LIG3: variants seen among roughly 807,000 people sequenced by gnomAD.
LIG3 encodes the protein DNA ligase 3.
LIG3 carries 58 observed loss-of-function variants against 110.9 expected under a neutral mutation model. The ratio of observed to expected loss-of-function variants is 0.52; its 90% CI spans 0.42 to 0.65. The LOEUF (loss-of-function observed/expected upper bound fraction) is 0.65, where lower values mean the gene tolerates loss of function less well. Ranked by LOEUF, LIG3 falls within the 30% of genes least tolerant of loss-of-function variation. The probability of loss-of-function intolerance (pLI) is 0.00; values close to 1 mark genes in which losing one functional copy is unlikely to be tolerated. For synonymous variants in LIG3, 422 were observed against 472.8 expected (o/e 0.89, Z 1.39); for missense variants, 1,094 against 1,273.8 (o/e 0.86, Z 2.15).
chr17:34,989,819 A>G (rs552317632), intron 4 of LIG3, 156 bp downstream of exon 4: 2 of 686,490 alleles, frequency 2.9e-6, no homozygotes, highest in Non-Finnish European at 4.9e-6. Flanking sequence ...ATTTTGAACA[A>G]GGGGCCTCGC....
Position 34,991,808 on chromosome 17 carries a change from G to T in LIG3, c.1179G>T (p.Gln393His). The part of the protein sequence containing the change: ...RLSKLTKEDE[Q>H]QQALQDIASR... ...CCAAGCTCACCAAGGAGGATGAGCAGCAACAGGCCCTACAGGACATTGCCT... is the reference window on the plus strand; with the variant it reads ...CCAAGCTCACCAAGGAGGATGAGCATCAACAGGCCCTACAGGACATTGCCT... Residue 393 changes from glutamine to histidine, a missense_variant, in exon 6 of 20, where the codon CAG becomes CAT. Physicochemically the swap from Gln to His is conservative, Grantham distance 24. Transcript: ENST00000378526. 6.2e-7 allele frequency: 1 copy of T among 1,614,090 alleles called. No homozygotes were observed.
rs2090717038 is a variant in LIG3, at chr17:34,991,208, A to T, written c.1041+94A>T. The T allele has an allele frequency of 3.2e-6, 4 of 1,252,064 alleles. No homozygotes were observed. In the East Asian group the frequency reaches 9.3e-5, roughly 29 times the overall value. 77.6% of individuals were successfully genotyped at this position (1,252,064 alleles called of 1,614,324 possible). On this transcript the variant is annotated intron_variant, in intron 5 of 19. Coordinates refer to ENST00000378526, the MANE Select transcript of LIG3 (RefSeq NM_013975.4). ...CTCTTTTTTTTTTTCTGGTTGGGAC[A>T]CATACTGTTTTAGGAAACTGAAACC...
intron 3 of LIG3, 36 bp from the exon 4 acceptor site, chr17:34,989,430 G>A (rs367757366): frequency 4.7e-4 from 741 of 1,575,872 alleles, no homozygotes; most frequent in Non-Finnish European, 6.2e-4. Context: ...TTCTCAGAAA[G>A]GCAGAATGAA....
At chr17:34,985,148 A>G (rs2090642396) in intron 2 of LIG3, among the ~76,000 whole-genome samples, 1 of 152,150 alleles carries the variant, frequency 6.6e-6, no homozygotes, top group Non-Finnish European at 1.5e-5. Flanking sequence ...TAAAATTCAT[A>G]CCTATATATG....
At chr17:34,993,030 T>C (rs1029362142) in intron 8 of LIG3, among the ~76,000 whole-genome samples, 3 of 152,134 alleles carry the variant, frequency 2.0e-5, no homozygotes, top group African/African-American at 4.8e-5. Context: ...TTATCTGTTA[T>C]CTTACCTGAA....
chr17:34,985,826 A>T, intron 2 of LIG3, 162 bp from the exon 3 acceptor site: 1 of 600,598 alleles, frequency 1.7e-6, no homozygotes, highest in Non-Finnish European at 3.0e-6. Flanking sequence ...CCTATTACCT[A>T]CTACCCCCAC....
intron 11 of LIG3, chr17:34,997,310 T>G: frequency 5.7e-6 from 1 of 176,188 alleles, no homozygotes; most frequent in South Asian, 1.3e-4. Flanking sequence ...GGGAAGGAAT[T>G]GGTGGGGGTA....
chr17:34,999,588 C>T lies in LIG3; in HGVS notation c.2256+139C>T. On this transcript the variant is annotated intron_variant, in intron 15 of 19. Coordinates refer to ENST00000378526, the MANE Select transcript of LIG3 (RefSeq NM_013975.4). ...CTTGCTCAGGGGAGCAGGATTAGGC[C>T]TTATAATCTCTGAATGCCTTCTTGT... 4 of 1,215,040 alleles carry T rather than the reference C, an allele frequency of 3.3e-6. No individual in the cohort carries two copies. In the Admixed American group the frequency reaches 9.5e-5, roughly 29 times the overall value. The allele number at this position is 1,215,040 out of a possible 1,614,324, so 75.3% of individuals were successfully genotyped here. A position where few individuals can be genotyped will look rare whatever the true frequency, so the allele number is the denominator to read the frequency against.
At chr17:34,994,836 C>T (rs1456444943) in intron 9 of LIG3, among the ~76,000 whole-genome samples, 1 of 152,164 alleles carries the variant, frequency 6.6e-6, no homozygotes, top group East Asian at 1.9e-4. Context: ...AATTATTTAT[C>T]AGATGCTTAC....
chr17:34,983,643 T>A, intron 2 of LIG3, 91 bp downstream of exon 2: 1 of 1,290,194 alleles, frequency 7.8e-7, no homozygotes, highest in Non-Finnish European at 1.1e-6. Context: ...TTTTTTTAAC[T>A]TTGCTCTTTT....
Position 35,007,515 on chromosome 17 carries a change from T to A in LIG3, c.*3009T>A, listed in dbSNP as rs2090903468. The A allele has an allele frequency of 6.6e-6, 1 of 152,138 alleles. No individual in the cohort carries two copies. Among genetic ancestry groups the A allele is most frequent in the Non-Finnish European group, 1.5e-5 (1 of 68,040 alleles). The allele number at this position is 152,138 out of a possible 1,614,324, so 9.4% of individuals were successfully genotyped here. A position where few individuals can be genotyped will look rare whatever the true frequency, so the allele number is the denominator to read the frequency against. On this transcript the variant is annotated 3_prime_UTR_variant, in exon 20 of 20. Transcript: ENST00000378526. ...ATCACTGGGTGCTGAACAGGTCAGC[T>A]CCCTAGGGCAATGTGAGCAAAGTGT...
At chr17:34,991,199 G>C in intron 5 of LIG3, 85 bp downstream of exon 5, 1 of 1,295,820 alleles carries the variant, frequency 7.7e-7, no homozygotes, top group Non-Finnish European at 1.1e-6. Flanking sequence ...TTTTTTTTCT[G>C]GTTGGGACAC....
chr17:34,986,609 A>C (rs964704071), intron 3 of LIG3, among the ~76,000 whole-genome samples: 1 of 152,242 alleles, frequency 6.6e-6, no homozygotes, highest in Non-Finnish European at 1.5e-5. Context: ...GGCGTGAGCC[A>C]CTGCGCTCGG....
chr17:34,996,994 G>T (rs186688245), intron 11 of LIG3: 192 of 215,350 alleles, frequency 8.9e-4, no homozygotes, highest in Non-Finnish European at 1.5e-3. Flanking sequence ...AGCATATGGG[G>T]TTTCAGTTTA....
intron 1 of LIG3, chr17:34,981,406 A>G (rs951422984): frequency 2.0e-5 from 3 of 152,230 alleles, no homozygotes; most frequent in East Asian, 1.9e-4. Context: ...CCCTTTGTGA[A>G]TATCACGAAA....
chr17:34,996,345 CTT>C (rs897586986), intron 10 of LIG3, 150 bp downstream of exon 10: 4 of 1,045,294 alleles, frequency 3.8e-6, no homozygotes, highest in Non-Finnish European at 5.4e-6. Context: ...GGATTTTTGT[CTT>C]TTGTTTTTCT....
chr17:35,003,163 T>C (rs773051506), intron 19 of LIG3: 89 of 1,538,346 alleles, frequency 5.8e-5, no homozygotes, highest in Non-Finnish European at 7.6e-5. Context: ...AGCATTGAGT[T>C]TGTGGTCAGG....
chr17:35,002,617 C>T, intron 18 of LIG3, 51 bp from the exon 19 acceptor site: 1 of 1,581,150 alleles, frequency 6.3e-7, no homozygotes. Flanking sequence ...TCCCGAGTAG[C>T]TGGGACTATA....
At chr17:34,988,190 CAAAA>C (rs555462146) in intron 3 of LIG3, among the ~76,000 whole-genome samples, 1 of 45,698 alleles carries the variant, frequency 2.2e-5, no homozygotes, top group Non-Finnish European at 4.1e-5. Flanking sequence ...GACTCTGTCT[CAAAA>C]AAAAAAAAAA....
Sources: allele counts gnomAD v4.1 joint callset (sites outside exome capture counted in the v4.1 genomes callset), GRCh38; gene constraint gnomAD v4.1.1; transcripts MANE v1.5; gene names NCBI Gene and HGNC (gene_info 2026-07-23, HGNC 2026-07-21).